Variants in ERP44 observed in about 807,000 individuals in gnomAD.
ERP44 encodes the protein endoplasmic reticulum protein 44.
A neutral mutation model predicts 53.4 loss-of-function variants in ERP44; 25 were observed. The observed-to-expected ratio is 0.47, with a 90% confidence interval of 0.34 to 0.65. ERP44 has a LOEUF of 0.65. ERP44 is among the 30% of genes least tolerant of loss of function. ERP44 has a pLI of 0.01. For synonymous variants in ERP44, 145 were observed against 161.2 expected (o/e 0.90, Z 0.76); for missense variants, 338 against 493.2 (o/e 0.69, Z 2.98).
intron 1 of ERP44, among the ~76,000 whole-genome samples, chr9:100,070,053 C>T (rs1259197835): frequency 1.3e-5 from 2 of 152,178 alleles, no homozygotes; most frequent in Admixed American, 1.3e-4. Context: ...CTTAAAATCA[C>T]CACATTTTGC....
At chr9:100,047,747 T>C (rs888033532) in intron 4 of ERP44, among the ~76,000 whole-genome samples, 2 of 151,978 alleles carry the variant, frequency 1.3e-5, no homozygotes, top group South Asian at 4.1e-4. Flanking sequence ...CACATTACCA[T>C]CAAAAATTTC....
intron 8 of ERP44, among the ~76,000 whole-genome samples, chr9:100,011,533 GC>G (rs1830476563): frequency 6.6e-6 from 1 of 152,120 alleles, no homozygotes; most frequent in Non-Finnish European, 1.5e-5. Context: ...TGGTTTGAAA[GC>G]CACTATTTGG....
intron 4 of ERP44, among the ~76,000 whole-genome samples, chr9:100,034,516 C>T (rs914909342): frequency 1.3e-5 from 2 of 152,026 alleles, no homozygotes; most frequent in African/African-American, 4.8e-5. Flanking sequence ...TATGCAGCAG[C>T]CATTTCTTTT....
At chr9:99,999,257 T>C (rs1167732356) in intron 10 of ERP44, among the ~76,000 whole-genome samples, 2 of 152,154 alleles carry the variant, frequency 1.3e-5, no homozygotes, top group Non-Finnish European at 2.9e-5. Context: ...TGTGTATCTT[T>C]TGAGAACTGT....
intron 10 of ERP44, among the ~76,000 whole-genome samples, chr9:99,991,533 A>G (rs1830254419): frequency 6.6e-6 from 1 of 152,260 alleles, no homozygotes; most frequent in Non-Finnish European, 1.5e-5. Flanking sequence ...AGGGAAATTT[A>G]TAGCACTAAA....
intron 1 of ERP44, among the ~76,000 whole-genome samples, chr9:100,070,486 G>C (rs949303823): frequency 6.6e-6 from 1 of 152,210 alleles, no homozygotes; most frequent in Non-Finnish European, 1.5e-5. Flanking sequence ...TAAACCATGA[G>C]ATTACTTGTA....
intron 4 of ERP44, among the ~76,000 whole-genome samples, chr9:100,029,531 G>A (rs1825751114): frequency 6.6e-6 from 1 of 152,180 alleles, no homozygotes; most frequent in Non-Finnish European, 1.5e-5. Flanking sequence ...TAATACTGCA[G>A]AGGATTTGGA....
At chr9:99,998,342 C>CT in intron 10 of ERP44, 2 of 549,200 alleles carry the variant, frequency 3.6e-6, no homozygotes, top group Non-Finnish European at 6.7e-6. Context: ...GTCCCCGAAC[C>CT]TTTTGCCTTG....
intron 1 of ERP44, among the ~76,000 whole-genome samples, chr9:100,081,529 A>G (rs1036199570): frequency 6.6e-6 from 1 of 152,144 alleles, no homozygotes; most frequent in Non-Finnish European, 1.5e-5. Flanking sequence ...CAAGTAAAAA[A>G]AAAACCATAA....
Position 99,982,501 on chromosome 9 carries a change from C to G in ERP44, c.*111G>C, listed in dbSNP as rs1587951718. ...AAAATTAAAAACCCAAAATTTCTTT[C>G]TGTTTATTCAAAATAAAAATACACA... is the stretch of plus-strand genomic sequence containing the variant. On this transcript the variant is annotated 3_prime_UTR_variant, in exon 12 of 12. Coordinates refer to ENST00000262455, the MANE Select transcript of ERP44 (RefSeq NM_015051.3). 4.2e-6 allele frequency: 2 copies of G among 473,190 alleles called. No homozygotes were observed. Among genetic ancestry groups the G allele is most frequent in the East Asian group, 7.9e-5 (2 of 25,450 alleles). The allele number at this position is 473,190 out of a possible 1,614,324, so 29.3% of individuals were successfully genotyped here.
chr9:100,014,024 G>A (rs1003853326), intron 8 of ERP44, among the ~76,000 whole-genome samples: 11 of 152,146 alleles, frequency 7.2e-5, no homozygotes, highest in African/African-American at 2.7e-4. Flanking sequence ...TTGAGTGAAA[G>A]AAGCCAGACA....
At chr9:100,025,182 A>C (rs773803968) in intron 4 of ERP44, among the ~76,000 whole-genome samples, 3 of 152,220 alleles carry the variant, frequency 2.0e-5, no homozygotes, top group Non-Finnish European at 4.4e-5. Flanking sequence ...CATCTTCACC[A>C]GTAAATTCTA....
chr9:99,985,371 T>A (rs1000346765), intron 10 of ERP44, among the ~76,000 whole-genome samples: 3 of 152,200 alleles, frequency 2.0e-5, no homozygotes, highest in African/African-American at 7.2e-5. Context: ...ATGGGCACTT[T>A]ATATATTTTC....
intron 6 of ERP44, 125 bp from the exon 7 acceptor site, chr9:100,018,438 G>A (rs1830548612): frequency 1.5e-6 from 1 of 645,738 alleles, no homozygotes; most frequent in Admixed American, 2.4e-5. Flanking sequence ...ACCAAGAAAA[G>A]TATACATTTA....
chr9:100,017,667 A>G (rs1265456821), intron 7 of ERP44, among the ~76,000 whole-genome samples: 4 of 152,070 alleles, frequency 2.6e-5, no homozygotes, highest in African/African-American at 7.2e-5. Flanking sequence ...ATAAATTTCA[A>G]TTTTTTTTGG....
chr9:100,043,291 A>AAAAAGAAAAAG (rs1168903331), intron 4 of ERP44, among the ~76,000 whole-genome samples: 1 of 74,878 alleles, frequency 1.3e-5, no homozygotes, highest in African/African-American at 5.8e-5. Context: ...AAAAAAAAAA[A>AAAAAGAAAAAG]GATAAATAAG....
At chr9:100,056,315 A>G (rs1826088320) in intron 3 of ERP44, among the ~76,000 whole-genome samples, 1 of 152,212 alleles carries the variant, frequency 6.6e-6, no homozygotes. Context: ...TTTGAGACAT[A>G]TTTTATAAAC....
chr9:100,063,399 G>T (rs1333822545), intron 1 of ERP44, among the ~76,000 whole-genome samples: 1 of 152,126 alleles, frequency 6.6e-6, no homozygotes, highest in Non-Finnish European at 1.5e-5. Flanking sequence ...TATGCAGTAT[G>T]AAGGGAAAGA....
chr9:100,043,660 C>A (rs185451435), intron 4 of ERP44, among the ~76,000 whole-genome samples: 2 of 151,940 alleles, frequency 1.3e-5, no homozygotes, highest in African/African-American at 4.8e-5. Context: ...GTGGCTGAGG[C>A]ACAAGAATCG....
Sources: allele counts gnomAD v4.1 joint callset (sites outside exome capture counted in the v4.1 genomes callset), GRCh38; gene constraint gnomAD v4.1.1; transcripts MANE v1.5; gene names NCBI Gene and HGNC (gene_info 2026-07-23, HGNC 2026-07-21).